SLC35F4: variants seen among roughly 807,000 people sequenced by gnomAD.
The protein encoded by SLC35F4 is chromosome 14 open reading frame 36.
In SLC35F4, 24 loss-of-function variants were observed where a neutral mutation model predicts 44.2. The observed-to-expected ratio is 0.54, with a 90% confidence interval of 0.39 to 0.76. SLC35F4 has a LOEUF of 0.76. SLC35F4 is among the 30% of genes least tolerant of loss of function. The pLI, the probability that SLC35F4 is intolerant of heterozygous loss-of-function variation, is 0.00. For missense variants in SLC35F4, 562 were observed against 586.1 expected (o/e 0.96, Z 0.42); for synonymous variants, 238 against 223.6 (o/e 1.06, Z -0.57).
intron 1 of SLC35F4, among the ~76,000 whole-genome samples, chr14:57,928,027 A>C (rs560617333): frequency 6.6e-6 from 1 of 151,954 alleles, no homozygotes; most frequent in East Asian, 1.9e-4. Flanking sequence ...TTTAGACAAT[A>C]ACTGTTCTAC....
intron 1 of SLC35F4, among the ~76,000 whole-genome samples, chr14:57,834,350 C>A (rs957402083): frequency 6.6e-6 from 1 of 152,140 alleles, no homozygotes; most frequent in Non-Finnish European, 1.5e-5. Flanking sequence ...CAGATTCATT[C>A]CTTCTACTTT....
At chr14:57,881,147 A>G (rs571944177) in intron 1 of SLC35F4, among the ~76,000 whole-genome samples, 2 of 152,258 alleles carry the variant, frequency 1.3e-5, no homozygotes, top group Admixed American at 6.5e-5. Context: ...AAACTCACAC[A>G]TTTTTCCCTT....
intron 1 of SLC35F4, among the ~76,000 whole-genome samples, chr14:57,648,275 A>G (rs1236706190): frequency 1.3e-5 from 2 of 152,202 alleles, no homozygotes; most frequent in Non-Finnish European, 2.9e-5. Context: ...AATGGAATTG[A>G]TGAGTAATTT....
intron 1 of SLC35F4, among the ~76,000 whole-genome samples, chr14:57,895,156 G>A (rs972896919): frequency 3.9e-5 from 6 of 152,178 alleles, no homozygotes; most frequent in South Asian, 2.1e-4. Context: ...TCAGGATCTC[G>A]TTCTCAGCAT....
intron 1 of SLC35F4, among the ~76,000 whole-genome samples, chr14:57,712,150 A>G (rs1288696699): frequency 2.0e-5 from 3 of 152,214 alleles, no homozygotes; most frequent in Admixed American, 2.0e-4. Flanking sequence ...ACAATAAGGT[A>G]TATTAGCCAG....
chr14:57,752,117 T>C (rs1164598527), intron 1 of SLC35F4, among the ~76,000 whole-genome samples: 1 of 152,206 alleles, frequency 6.6e-6, no homozygotes, highest in Admixed American at 6.5e-5. Context: ...AGGTACTTAA[T>C]GTAGTCCCTA....
chr14:57,720,270 A>G (rs1208474785), intron 1 of SLC35F4, among the ~76,000 whole-genome samples: 1 of 152,110 alleles, frequency 6.6e-6, no homozygotes, highest in Non-Finnish European at 1.5e-5. Flanking sequence ...CACTATTCAT[A>G]ATATAGGTTG....
intron 1 of SLC35F4, among the ~76,000 whole-genome samples, chr14:57,879,890 G>C (rs1433984716): frequency 6.6e-6 from 1 of 151,644 alleles, no homozygotes; most frequent in East Asian, 1.9e-4. Context: ...TTAGCACAGA[G>C]TAAGTGGGGA....
intron 1 of SLC35F4, among the ~76,000 whole-genome samples, chr14:57,849,884 T>TAC (rs1432712260): frequency 3.3e-5 from 5 of 152,064 alleles, no homozygotes; most frequent in Non-Finnish European, 7.4e-5. Context: ...AGCAAAAGAA[T>TAC]ACACACACAC....
At chr14:57,776,881 T>A (rs1293700959) in intron 1 of SLC35F4, among the ~76,000 whole-genome samples, 1 of 152,026 alleles carries the variant, frequency 6.6e-6, no homozygotes, top group African/African-American at 2.4e-5. Context: ...AGAAATAAGA[T>A]CCTTTTCAGA....
chr14:57,904,804 C>T (rs1889076250), intron 1 of SLC35F4, among the ~76,000 whole-genome samples: 1 of 152,098 alleles, frequency 6.6e-6, no homozygotes, highest in Non-Finnish European at 1.5e-5. Context: ...CAGATCCCAG[C>T]ACCAACCCAG....
rs1169526470 is a variant in SLC35F4 at position 57,880,075 on chromosome 14, AGG to A, written n.282+101836_282+101837del. Among the ~76,000 whole-genome samples the A allele has an allele frequency of 5.3e-4, 66 of 125,068 alleles. 2 individuals carry two copies. The highest frequency in any genetic ancestry group is 2.2e-3 in the African/African-American group (60 of 27,382). The allele number at this position is 125,068 out of a possible 152,430, so 82.0% of individuals were successfully genotyped here. A position where few individuals can be genotyped will look rare whatever the true frequency, so the allele number is the denominator to read the frequency against. ...AAGGAAGGAAGGAAGGAAGGAAGGAAGGAAGGAAGGAAGGAAGGAAGGAAGGA... is the reference window on the plus strand; with the variant it reads ...AAGGAAGGAAGGAAGGAAGGAAGGAAAAGGAAGGAAGGAAGGAAGGAAGGA... On this transcript the variant is annotated intron_variant and non_coding_transcript_variant, in intron 1 of 1. Transcript: ENST00000556568.
chr14:57,573,896 C>T (rs368046220), intron 4 of SLC35F4, among the ~76,000 whole-genome samples: 4 of 152,146 alleles, frequency 2.6e-5, no homozygotes, highest in East Asian at 3.8e-4. Flanking sequence ...AATAAACAAG[C>T]GGTTACTTGA....
intron 1 of SLC35F4, among the ~76,000 whole-genome samples, chr14:57,744,253 G>A (rs568082972): frequency 2.0e-5 from 3 of 152,126 alleles, no homozygotes; most frequent in Non-Finnish European, 4.4e-5. Flanking sequence ...AAGAAATAAA[G>A]GGTATTCAAT....
chr14:57,679,561 C>T (rs982241195), intron 1 of SLC35F4, among the ~76,000 whole-genome samples: 10 of 151,848 alleles, frequency 6.6e-5, no homozygotes, highest in Admixed American at 1.3e-4. Flanking sequence ...ACAAAAGACC[C>T]TTCAAAAAAT....
At chr14:57,596,032 T>C (rs887500640) in intron 1 of SLC35F4, 20 of 152,418 alleles carry the variant, frequency 1.3e-4, no homozygotes, top group African/African-American at 3.6e-4. Flanking sequence ...TGATTGTAGA[T>C]TGTAAAATAA....
intron 1 of SLC35F4, among the ~76,000 whole-genome samples, chr14:57,814,548 CAGT>C (rs1038294786): frequency 6.6e-6 from 1 of 152,364 alleles, no homozygotes; most frequent in East Asian, 1.9e-4. Context: ...TCATTCCTAA[CAGT>C]AGTTTTCATT....
chr14:57,734,700 T>C (rs1236696769), intron 1 of SLC35F4, among the ~76,000 whole-genome samples: 1 of 152,084 alleles, frequency 6.6e-6, no homozygotes, highest in Non-Finnish European at 1.5e-5. Context: ...AATACCAAAT[T>C]TGGAAAAAGA....
intron 4 of SLC35F4, among the ~76,000 whole-genome samples, 178 bp from the exon 5 acceptor site, chr14:57,572,197 C>A (rs1350505508): frequency 1.3e-5 from 2 of 152,082 alleles, no homozygotes; most frequent in Non-Finnish European, 2.9e-5. Flanking sequence ...CATGAGATAT[C>A]CAGGCACAGA....
Sources: gnomAD v4.1 joint callset for allele counts (sites outside exome capture counted in the v4.1 genomes callset) on GRCh38, gnomAD v4.1.1 for gene constraint, MANE v1.5 for transcripts, NCBI Gene and HGNC (gene_info 2026-07-23, HGNC 2026-07-21) for gene names.